The following SETD5 variants were observed in gnomAD, a reference collection of about 807,000 sequenced individuals.
SETD5 encodes the protein SET domain containing 5, also known as histone-lysine N-methyltransferase SETD5.
Under a neutral mutation model 153.3 loss-of-function variants are expected in SETD5, and 44 were observed. That is an observed-to-expected ratio of 0.29 (90% confidence interval 0.23 to 0.37). SETD5 has a LOEUF of 0.37. Among genes scored for constraint, SETD5 ranks in the 10% least tolerant of loss-of-function variants. SETD5 has a pLI of 1.00. For synonymous variants in SETD5, 716 were observed against 645.2 expected, an observed-to-expected ratio of 1.11 and a Z score of -1.66; for missense variants, 1,544 against 1,768.0, an observed-to-expected ratio of 0.87 and a Z score of 2.27.
At chr3:9,437,547 G>GTGTGTGTGTGTGTGTA (rs1414827081) in intron 7 of SETD5, among the ~76,000 whole-genome samples, 1 of 151,760 alleles carries the variant, frequency 6.6e-6, no homozygotes, top group Non-Finnish European at 1.5e-5. Flanking sequence ...GTGTGTGTGT[G>GTGTGTGTGTGTGTGTA]TGTATAAATA....
At chr3:9,474,041 C>T (rs1037255323) in intron 20 of SETD5, among the ~76,000 whole-genome samples, 1 of 152,124 alleles carries the variant, frequency 6.6e-6, no homozygotes, top group African/African-American at 2.4e-5. Flanking sequence ...GAATGAAGCA[C>T]AGGAGTTCAG....
intron 10 of SETD5, chr3:9,442,822 G>A (rs1278697050): frequency 6.0e-6 from 1 of 167,014 alleles, no homozygotes; most frequent in East Asian, 1.8e-4. Context: ...CAGATAACAA[G>A]GTCAGGAGTT....
At position 9,476,306 on chromosome 3, in the gene SETD5, G is replaced by A; in HGVS notation, c.*215G>A. 1.6e-6 allele frequency: 1 copy of A among 613,154 alleles called. No homozygotes were observed. Among genetic ancestry groups the A allele is most frequent in the Non-Finnish European group, 2.8e-6 (1 of 361,420 alleles). The allele number at this position is 613,154 out of a possible 1,614,324, so 38.0% of individuals were successfully genotyped here. On this transcript the variant is annotated 3_prime_UTR_variant, in exon 23 of 23. Coordinates refer to ENST00000402198, the MANE Select transcript of SETD5 (RefSeq NM_001080517.3). ...TGTCTGAAGCAGAGACTATAAAGAA[G>A]TTTCTCCCTGCTGTCAAGGGTACAT...
intron 19 of SETD5, among the ~76,000 whole-genome samples, chr3:9,471,577 C>T (rs748259119): frequency 5.3e-5 from 8 of 152,092 alleles, no homozygotes; most frequent in Non-Finnish European, 1.2e-4. Context: ...GGTGGAAGGC[C>T]GGGGGAGCCA....
chr3:9,433,711 T>C (rs1394525387), intron 3 of SETD5, 134 bp from the exon 4 acceptor site: 1 of 968,432 alleles, frequency 1.0e-6, no homozygotes, highest in African/African-American at 1.6e-5. Context: ...ATAAGATTGT[T>C]TCACCGAGTT....
chr3:9,472,160 G>A (rs1448452563), intron 19 of SETD5, among the ~76,000 whole-genome samples: 1 of 152,094 alleles, frequency 6.6e-6, no homozygotes, highest in Non-Finnish European at 1.5e-5. Context: ...ATGTGCAAAA[G>A]TCATAGAAAT....
chr3:9,464,020 C>T (rs1049577792), intron 17 of SETD5, among the ~76,000 whole-genome samples: 3 of 151,980 alleles, frequency 2.0e-5, no homozygotes, highest in Admixed American at 6.6e-5. Flanking sequence ...CCCAGCTACT[C>T]GGGAGGCTGA....
intron 3 of SETD5, among the ~76,000 whole-genome samples, chr3:9,432,754 C>G (rs765262088): frequency 6.6e-6 from 1 of 152,134 alleles, no homozygotes; most frequent in African/African-American, 2.4e-5. Context: ...TATTAATTTT[C>G]TAAGTTTGAA....
intron 1 of SETD5, among the ~76,000 whole-genome samples, chr3:9,413,571 G>T (rs1265870169): frequency 6.6e-6 from 1 of 151,818 alleles, no homozygotes; most frequent in Non-Finnish European, 1.5e-5. Flanking sequence ...GATGAAGGAA[G>T]AGGATGAATG....
intron 3 of SETD5, chr3:9,433,274 A>G: frequency 1.2e-6 from 1 of 816,000 alleles, no homozygotes; most frequent in Non-Finnish European, 1.7e-6. Flanking sequence ...TGGATGAGAA[A>G]TTATTACTCT....
rs34355371 is a variant in SETD5, at chr3:9,417,497, T to TC, written c.-176-6964dup. Among the ~76,000 whole-genome samples, 237 of 142,398 alleles carry TC rather than the reference T, an allele frequency of 1.7e-3. 1 individual carries two copies. The highest frequency in any genetic ancestry group is 0.013 in the South Asian group (60 of 4,692). 93.4% of individuals were successfully genotyped at this position (142,398 alleles called of 152,430 possible). A position where few individuals can be genotyped will look rare whatever the true frequency, so the allele number is the denominator to read the frequency against. The stretch of plus-strand genomic sequence containing the variant: ...TATAGATAAGTCTTTTTTTTTTTTT[T>TC]CCCCCCGAGACGGAGTCTCGCTCTA... On this transcript the variant is annotated intron_variant, in intron 1 of 22. Transcript: ENST00000402198.
At chr3:9,462,586 CAAAA>C (rs111829236) in intron 17 of SETD5, among the ~76,000 whole-genome samples, 1 of 81,724 alleles carries the variant, frequency 1.2e-5, no homozygotes, top group African/African-American at 5.0e-5. Context: ...GAGTCCGTCT[CAAAA>C]AAAAAAAAAA....
chr3:9,434,909 A>G lies in SETD5; in HGVS notation c.388+27A>G. ...TGAGCGGAAGATGGGTTAGGTCCAC[A>G]ATTTGACATAAAAATATTCTGTGAT... On this transcript the variant is annotated intron_variant, in intron 6 of 22. Coordinates refer to ENST00000402198, the MANE Select transcript of SETD5 (RefSeq NM_001080517.3). This position sits in a 1 kb window ranked among gnomAD's most constrained non-coding sequence, Gnocchi z 5.6. 1 of 1,605,998 alleles carries G rather than the reference A, an allele frequency of 6.2e-7. No homozygotes were observed. The highest frequency in any genetic ancestry group is 8.5e-7 in the Non-Finnish European group (1 of 1,176,464).
intron 1 of SETD5, among the ~76,000 whole-genome samples, chr3:9,415,986 C>T (rs1399312037): frequency 6.6e-6 from 1 of 152,068 alleles, no homozygotes; most frequent in East Asian, 1.9e-4. Context: ...CATCCTCCCA[C>T]CTCAGCCTCC....
Position 9,474,594 on chromosome 3 carries a change from GC to G in SETD5, c.3631+14del. 2 of 1,612,736 alleles carry G rather than the reference GC, an allele frequency of 1.2e-6. No individual in the cohort carries two copies. The highest frequency in any genetic ancestry group is 1.7e-6 in the Non-Finnish European group (2 of 1,179,616). Reference sequence around the variant, plus strand: ...AGAGAAAGACTCAGGTGAGCCCATGGCCTTCTGCTGCCACCACATTCAGGGA... The same window carrying G: ...AGAGAAAGACTCAGGTGAGCCCATGGCTTCTGCTGCCACCACATTCAGGGA... On this transcript the variant is annotated intron_variant, in intron 21 of 22. Coordinates refer to ENST00000402198, the MANE Select transcript of SETD5 (RefSeq NM_001080517.3).
Position 9,442,212 on chromosome 3 carries a change from G to A in SETD5, c.1044G>A (p.Arg348=). Residue 348 remains arginine, a synonymous_variant, in exon 10 of 23, where the codon CGG becomes CGA. Coordinates refer to ENST00000402198, the MANE Select transcript of SETD5 (RefSeq NM_001080517.3). ...VDARTFGNDA[R]FIRRSCTPNA... ...CCCGTACTTTCGGTAATGATGCTCG[G>A]TTCATCAGAAGATCATGTACACCAA... is the stretch of plus-strand genomic sequence containing the variant. The A allele has an allele frequency of 6.2e-7, 1 of 1,612,998 alleles. No homozygotes were observed.
rs2042201332 is a variant in SETD5 at position 9,447,919 on chromosome 3, G to A, written c.2016G>A (p.Arg672=). ...GTCTAGACAGTTCAGGAGAAAACAGGCCATTAACAGGGTCTGACCCAACTG... is the reference window on the plus strand; with the variant it reads ...GTCTAGACAGTTCAGGAGAAAACAGACCATTAACAGGGTCTGACCCAACTG... ...AGSLDSSGEN[R]PLTGSDPTVV... The change falls in exon 15 of 23, where the codon AGG becomes AGA. Residue 672 remains arginine, a synonymous_variant. Coordinates refer to ENST00000402198, the MANE Select transcript of SETD5 (RefSeq NM_001080517.3). 1.2e-6 allele frequency: 2 copies of A among 1,613,888 alleles called. No homozygotes were observed. Among genetic ancestry groups the A allele is most frequent in the Admixed American group, 3.3e-5 (2 of 60,004 alleles).
At chr3:9,403,620 T>C (rs573835709) in intron 1 of SETD5, among the ~76,000 whole-genome samples, 28 of 152,358 alleles carry the variant, frequency 1.8e-4, no homozygotes, top group Middle Eastern at 6.8e-3. Flanking sequence ...CCTTAGTTCC[T>C]GGAGAACCTG....
rs2125624964 is a variant in SETD5 at position 9,475,070 on chromosome 3, C to G, written c.3634C>G (p.Pro1212Ala). ...ESNITEKDSD[P>A]ADGEGPETLS... ...TTTTTATATATGTTACCTTCCAGAC[C>G]CTGCAGATGGAGAAGGCCCAGAGAC... The change falls in exon 22 of 23, where the codon CCT (proline) becomes GCT (alanine). Residue 1212 changes from proline to alanine, a missense_variant and splice_region_variant. This residue lies in a region of SETD5 where 302 missense variants were observed against 277.6 expected (regional missense o/e 1.09). Transcript: ENST00000402198. The G allele has an allele frequency of 6.3e-7, 1 of 1,580,270 alleles. No homozygotes were observed. Among genetic ancestry groups the G allele is most frequent in the East Asian group, 2.3e-5 (1 of 43,146 alleles).
Sources: allele counts gnomAD v4.1 joint callset (sites outside exome capture counted in the v4.1 genomes callset), GRCh38; gene constraint gnomAD v4.1.1; regional missense constraint gnomAD v4.1.1; non-coding constraint Gnocchi (gnomAD v3.1); transcripts MANE v1.5; gene names NCBI Gene and HGNC (gene_info 2026-07-23, HGNC 2026-07-21).